The following NCAPD3 variants were observed in gnomAD, a reference collection of about 807,000 sequenced individuals.
NCAPD3 encodes the protein non-SMC condensin II complex subunit D3.
NCAPD3 carries 105 observed loss-of-function variants against 182.9 expected under a neutral mutation model. The ratio of observed to expected loss-of-function variants is 0.57; its 90% CI spans 0.49 to 0.68. The LOEUF is 0.68. Among genes scored for constraint, NCAPD3 ranks in the 30% least tolerant of loss-of-function variants. The pLI, the probability that NCAPD3 is intolerant of heterozygous loss-of-function variation, is 0.00. For missense variants in NCAPD3, 1,944 were observed against 1,837.0 expected (o/e 1.06, Z -1.07); for synonymous variants, 815 against 679.9 (o/e 1.20, Z -3.09).
Position 134,161,899 on chromosome 11 carries a change from CACAA to C in NCAPD3, c.3574-12_3574-9del, listed in dbSNP as rs762385238. 3.5e-5 allele frequency: 49 copies of C among 1,418,344 alleles called. No homozygotes were observed. The highest frequency in any genetic ancestry group is 1.1e-4 in the South Asian group (9 of 82,086). The allele number at this position is 1,418,344 out of a possible 1,614,324, so 87.9% of individuals were successfully genotyped here. A position where few individuals can be genotyped will look rare whatever the true frequency, so the allele number is the denominator to read the frequency against. ...GAAATTCCTCTTCTGAACCTGGTAA[CACAA>C]ACAAAGACATGTTTTAGATGTATGA... On this transcript the variant is annotated splice_polypyrimidine_tract_variant and intron_variant, in intron 27 of 34. Coordinates refer to ENST00000534548, the MANE Select transcript of NCAPD3 (RefSeq NM_015261.3).
At chr11:134,184,229 A>G (rs1411450220) in intron 19 of NCAPD3, among the ~76,000 whole-genome samples, 1 of 152,238 alleles carries the variant, frequency 6.6e-6, no homozygotes, top group Non-Finnish European at 1.5e-5. Context: ...CATGTCCAAG[A>G]TTATGACTTA....
chr11:134,197,957 C>A (rs1339409328), intron 13 of NCAPD3, among the ~76,000 whole-genome samples: 1 of 152,148 alleles, frequency 6.6e-6, no homozygotes, highest in African/African-American at 2.4e-5. Context: ...AGCTTTCCCC[C>A]TAAGTAAAGA....
chr11:134,154,327 G>A (rs1205786666), intron 32 of NCAPD3, among the ~76,000 whole-genome samples: 1 of 152,072 alleles, frequency 6.6e-6, no homozygotes, highest in Non-Finnish European at 1.5e-5. Flanking sequence ...GTGTTCCTAG[G>A]AGAGCCTGAA....
chr11:134,206,851 A>T, intron 7 of NCAPD3, 119 bp from the exon 8 acceptor site: 3 of 1,012,900 alleles, frequency 3.0e-6, no homozygotes, highest in Non-Finnish European at 4.3e-6. Flanking sequence ...AGGCTGGCAT[A>T]ATTGCTGGCT....
intron 3 of NCAPD3, among the ~76,000 whole-genome samples, chr11:134,216,023 A>G (rs1412892189): frequency 1.3e-5 from 2 of 152,200 alleles, no homozygotes; most frequent in African/African-American, 4.8e-5. Context: ...TCTCAACCTT[A>G]ATCAGAAGAA....
chr11:134,163,949 G>A (rs1031980935), intron 27 of NCAPD3, among the ~76,000 whole-genome samples: 1 of 150,560 alleles, frequency 6.6e-6, no homozygotes, highest in African/African-American at 2.5e-5. Flanking sequence ...GTGACAGAAA[G>A]AAACCAGAAA....
intron 27 of NCAPD3, among the ~76,000 whole-genome samples, chr11:134,165,133 G>C (rs1052850963): frequency 1.3e-5 from 2 of 151,140 alleles, no homozygotes; most frequent in Admixed American, 1.3e-4. Context: ...GATGAGCTTA[G>C]GGGAGCAGCA....
In NCAPD3 at chr11:134,192,634, T is replaced by C. The variant is rs574241366; in HGVS notation, c.2045+55A>G. 98 of 1,473,380 alleles carry C rather than the reference T, an allele frequency of 6.7e-5. No individual in the cohort carries two copies. The African/African-American group carries it at 1.3e-3, about 20-fold the overall frequency. The allele number at this position is 1,473,380 out of a possible 1,614,324, so 91.3% of individuals were successfully genotyped here. On this transcript the variant is annotated intron_variant, in intron 16 of 34. Transcript: ENST00000534548. ...AGGACCAATAGGAGAAATTTATTAA[T>C]ACAAAGTCCTACGGCCTTCTTCTAT...
intron 7 of NCAPD3, 50 bp from the exon 8 acceptor site, chr11:134,206,782 G>C: frequency 6.4e-7 from 1 of 1,566,654 alleles, no homozygotes; most frequent in Admixed American, 1.9e-5. Context: ...GAACACAAGG[G>C]TCTCAGACAT....
chr11:134,175,959 T>G (rs74324309), intron 24 of NCAPD3, among the ~76,000 whole-genome samples: 4 of 151,894 alleles, frequency 2.6e-5, no homozygotes, highest in East Asian at 3.8e-4. Flanking sequence ...TTTTTTTTTT[T>G]GCCTAGAAAT....
chr11:134,219,242 T>G (rs1433181422), intron 2 of NCAPD3, among the ~76,000 whole-genome samples: 1 of 152,220 alleles, frequency 6.6e-6, no homozygotes, highest in Admixed American at 6.5e-5. Flanking sequence ...TTTCTGGAAC[T>G]TTCCCAACCC....
At position 134,152,791 on chromosome 11, in the gene NCAPD3, G is replaced by C; in HGVS notation, c.*153C>G. On this transcript the variant is annotated 3_prime_UTR_variant, in exon 35 of 35. Transcript: ENST00000534548. ...CCAAATACATCATACAGAATAGAAG[G>C]TGAGTGCCAGGCCCCTGAGGAGGAG... is the stretch of plus-strand genomic sequence containing the variant. 1 of 614,916 alleles carries C rather than the reference G, an allele frequency of 1.6e-6. No individual in the cohort carries two copies. Among genetic ancestry groups the C allele is most frequent in the Non-Finnish European group, 2.9e-6 (1 of 349,252 alleles). The allele number at this position is 614,916 out of a possible 1,614,324, so 38.1% of individuals were successfully genotyped here.
chr11:134,176,189 C>A, intron 24 of NCAPD3, 118 bp downstream of exon 24: 1 of 804,462 alleles, frequency 1.2e-6, no homozygotes, highest in South Asian at 1.8e-5. Context: ...TTCCTGGCAC[C>A]TACCGAAAGC....
At chr11:134,165,269 C>A (rs184978412) in intron 27 of NCAPD3, among the ~76,000 whole-genome samples, 1 of 143,368 alleles carries the variant, frequency 7.0e-6, no homozygotes, top group African/African-American at 2.6e-5. Context: ...TGAGGGGGAG[C>A]TGCACACTCG....
chr11:134,184,664 T>A lies in NCAPD3; in HGVS notation c.2424A>T (p.Ala808=), dbSNP rs748167490. The A allele has an allele frequency of 1.9e-6, 3 of 1,613,126 alleles. No homozygotes were observed. The highest frequency in any genetic ancestry group is 2.5e-6 in the Non-Finnish European group (3 of 1,179,650). The part of the protein sequence containing the change: ...AVDALQRLCR[A]SAETPAEEQE... Reference sequence around the variant, plus strand: ...GCTCCTCTGCTGGTGTCTCTGCAGATGCTCTACAAAGCCTCTGCAAGGCGT... The same window carrying A: ...GCTCCTCTGCTGGTGTCTCTGCAGAAGCTCTACAAAGCCTCTGCAAGGCGT... Residue 808 remains alanine (A), a synonymous_variant, in exon 19 of 35, where the codon GCA becomes GCT. Coordinates refer to ENST00000534548, the MANE Select transcript of NCAPD3 (RefSeq NM_015261.3).
chr11:134,209,254 G>T (rs201730921), intron 5 of NCAPD3, 48 bp from the exon 6 acceptor site: 8 of 1,608,886 alleles, frequency 5.0e-6, no homozygotes, highest in Non-Finnish European at 6.8e-6. Context: ...TACTGATCAG[G>T]TATTAGCCAT....
chr11:134,160,180 C>T (rs963085055), intron 28 of NCAPD3, 106 bp from the exon 29 acceptor site: 6 of 1,128,550 alleles, frequency 5.3e-6, no homozygotes, highest in South Asian at 1.5e-5. Flanking sequence ...GCACATCCTG[C>T]ACGTGTACCC....
In NCAPD3 at chr11:134,160,053, C is replaced by T. The variant is rs1413938766; in HGVS notation, c.3706G>A (p.Asp1236Asn). The stretch of plus-strand genomic sequence containing the variant: ...ACTGCAAAGAAGTCCTTGAGCTCAT[C>T]TCGGTAATCCTGCATCACCTCCTGA... ...YLREVMQDYR[D>N]ELKDFFAVDK... Residue 1236 changes from aspartate (D) to asparagine (N), a missense_variant, in exon 29 of 35, where the codon GAT becomes AAT. Transcript: ENST00000534548. 1.9e-6 allele frequency: 3 copies of T among 1,613,976 alleles called. No individual in the cohort carries two copies. Among genetic ancestry groups the T allele is most frequent in the African/African-American group, 2.7e-5 (2 of 74,928 alleles).
In NCAPD3 at chr11:134,165,924, G is replaced by A. The variant is rs547869938; in HGVS notation, c.3573+2072C>T. On this transcript the variant is annotated intron_variant, in intron 27 of 34. Transcript: ENST00000534548. Reference sequence around the variant, plus strand: ...GCACACTCACTAGTGAGATGAGCTTGGGGGAGCAGCACACTCACTTGTGAG... The same window carrying A: ...GCACACTCACTAGTGAGATGAGCTTAGGGGAGCAGCACACTCACTTGTGAG... 8.1e-3 allele frequency among the ~76,000 whole-genome samples: 877 copies of A among 108,266 alleles called. 1 individual carries two copies. The highest frequency in any genetic ancestry group is 0.012 in the Non-Finnish European group (617 of 51,580). The allele number at this position is 108,266 out of a possible 152,430, so 71.0% of individuals were successfully genotyped here. A position where few individuals can be genotyped will look rare whatever the true frequency, so the allele number is the denominator to read the frequency against.
Sources: allele counts gnomAD v4.1 joint callset (sites outside exome capture counted in the v4.1 genomes callset), GRCh38; gene constraint gnomAD v4.1.1; transcripts MANE v1.5; gene names NCBI Gene and HGNC (gene_info 2026-07-23, HGNC 2026-07-21).